Variants in IL1RAP observed in about 807,000 individuals in gnomAD.
IL1RAP encodes the protein interleukin-1 receptor accessory protein.
Under a neutral mutation model 60.7 loss-of-function variants are expected in IL1RAP, and 35 were observed. The ratio of observed to expected loss-of-function variants is 0.58; its 90% CI spans 0.44 to 0.76. IL1RAP has a LOEUF of 0.76. IL1RAP is among the 30% of genes least tolerant of loss of function. The pLI, the probability that IL1RAP is intolerant of heterozygous loss-of-function variation, is 0.00. For synonymous variants in IL1RAP, 268 were observed against 250.9 expected (o/e 1.07, Z -0.64); for missense variants, 572 against 693.9 (o/e 0.82, Z 1.97).
intron 1 of IL1RAP, among the ~76,000 whole-genome samples, chr3:190,516,598 A>G (rs1337910589): frequency 6.6e-6 from 1 of 152,208 alleles, no homozygotes; most frequent in Non-Finnish European, 1.5e-5. Flanking sequence ...GAATATTAAT[A>G]GAGGAAGGAG....
chr3:190,627,377 G>A lies in IL1RAP; in HGVS notation c.830G>A (p.Arg277His), dbSNP rs756041268. Reference protein sequence around the residue: ...TVYFSFLMDSRNEVWWTIDGK... With the variant: ...TVYFSFLMDSHNEVWWTIDGK... ...TATTTTAGTTTTCTGATGGATTCTC[G>A]CAATGAGGTTTGGTGGACCATTGAT... Residue 277 changes from arginine to histidine, a missense_variant, in exon 8 of 12, where the codon CGC becomes CAC. Coordinates refer to ENST00000447382, the MANE Select transcript of IL1RAP (RefSeq NM_002182.4). 19 of 1,611,908 alleles carry A rather than the reference G, an allele frequency of 1.2e-5. No individual in the cohort carries two copies. The highest frequency in any genetic ancestry group is 1.1e-4 in the African/African-American group (8 of 74,258).
At chr3:190,658,282 A>G (rs888392037) in exon 12 of IL1RAP, 8 of 152,208 alleles carry the variant, frequency 5.3e-5, no homozygotes, top group Admixed American at 6.5e-5. Flanking sequence ...ACTAGTTTGT[A>G]ATTTCATAAC....
At chr3:190,598,141 T>A (rs1160185087) in intron 3 of IL1RAP, among the ~76,000 whole-genome samples, 1 of 152,210 alleles carries the variant, frequency 6.6e-6, no homozygotes, top group Admixed American at 6.5e-5. Context: ...CATTTAATAG[T>A]CTTTCGTCTA....
At position 190,608,998 on chromosome 3, in the gene IL1RAP, C is replaced by A; in HGVS notation, c.354C>A (p.Asn118Lys). 6.2e-7 allele frequency: 1 copy of A among 1,610,202 alleles called. No homozygotes were observed. Among genetic ancestry groups the A allele is most frequent in the Non-Finnish European group, 8.5e-7 (1 of 1,178,196 alleles). Residue 118 changes from asparagine (N) to lysine (K), a missense_variant, in exon 5 of 12, where the codon AAC (asparagine) becomes AAA (lysine). Asn to Lys is a moderately conservative substitution (Grantham distance 94, BLOSUM62 0). Transcript: ENST00000447382. ...CATTGTATATTTCTTTTTTCAGGAACACTACATATTGCAGCAAAGTTGCAT... is the reference window on the plus strand; with the variant it reads ...CATTGTATATTTCTTTTTTCAGGAAAACTACATATTGCAGCAAAGTTGCAT... ...DTGNYTCMLR[N>K]TTYCSKVAFP... is the part of the protein sequence containing the mutation.
chr3:190,587,530 T>C (rs1292137969), intron 3 of IL1RAP, among the ~76,000 whole-genome samples: 1 of 152,232 alleles, frequency 6.6e-6, no homozygotes, highest in African/African-American at 2.4e-5. Flanking sequence ...CCTATGTCTT[T>C]GTTCTCCATA....
intron 3 of IL1RAP, among the ~76,000 whole-genome samples, chr3:190,565,140 C>T (rs1472484978): frequency 1.3e-5 from 2 of 150,984 alleles, no homozygotes; most frequent in East Asian, 3.9e-4. Context: ...TCTTTCCAAA[C>T]ATTTACTTGG....
intron 6 of IL1RAP, 46 bp from the exon 7 acceptor site, chr3:190,623,298 C>T (rs776476642): frequency 7.1e-7 from 1 of 1,417,790 alleles, no homozygotes; most frequent in Admixed American, 1.7e-5. Flanking sequence ...TTTAATAAGG[C>T]TGCCTGATTT....
At chr3:190,554,060 C>CAA (rs1166716731) in intron 1 of IL1RAP, among the ~76,000 whole-genome samples, 35 of 87,898 alleles carry the variant, frequency 4.0e-4, no homozygotes, top group East Asian at 1.4e-3. Context: ...GACTCCGTCT[C>CAA]AAAAAAAAAA....
At chr3:190,608,908 C>T in intron 4 of IL1RAP, 87 bp from the exon 5 acceptor site, 3 of 989,868 alleles carry the variant, frequency 3.0e-6, no homozygotes, top group Non-Finnish European at 4.6e-6. Context: ...CCGTATGTAG[C>T]CTGGCTTCAC....
intron 1 of IL1RAP, chr3:190,517,964 G>T (rs1301684566): frequency 2.6e-5 from 4 of 151,718 alleles, no homozygotes; most frequent in Admixed American, 6.6e-5. Context: ...AAATTGTTCT[G>T]CATGGAAAAA....
At chr3:190,544,410 G>A (rs1724200137) in intron 1 of IL1RAP, among the ~76,000 whole-genome samples, 1 of 152,182 alleles carries the variant, frequency 6.6e-6, no homozygotes, top group Non-Finnish European at 1.5e-5. Context: ...ATTTTAGCTA[G>A]TCATTATGCC....
intron 1 of IL1RAP, among the ~76,000 whole-genome samples, chr3:190,526,863 T>G (rs1229310110): frequency 6.6e-6 from 1 of 152,248 alleles, no homozygotes; most frequent in Non-Finnish European, 1.5e-5. Flanking sequence ...TAATCAGTGA[T>G]GTTAATTTTG....
In IL1RAP at chr3:190,650,615, C is replaced by A. The variant is rs763490985; in HGVS notation, c.*1910C>A. 1.0e-5 allele frequency: 9 copies of A among 866,414 alleles called. No individual in the cohort carries two copies. Among genetic ancestry groups the A allele is most frequent in the Admixed American group, 6.2e-5 (1 of 16,104 alleles). 53.7% of individuals were successfully genotyped at this position (866,414 alleles called of 1,614,324 possible). On this transcript the variant is annotated 3_prime_UTR_variant, in exon 12 of 12. Coordinates refer to ENST00000447382, the MANE Select transcript of IL1RAP (RefSeq NM_002182.4). ...CTATATTTAAGTACCCATAATAAAT[C>A]ATTTCCCTCTATAAGTGTTATTGAT...
intron 9 of IL1RAP, among the ~76,000 whole-genome samples, chr3:190,634,724 TG>T (rs59841680): frequency 0.021 from 3,013 of 144,588 alleles, 133 homozygotes; most frequent in African/African-American, 0.057. Context: ...TTTTTGTTGT[TG>T]TTTTTTTTGA....
intron 5 of IL1RAP, among the ~76,000 whole-genome samples, chr3:190,615,097 A>G (rs1435749747): frequency 6.6e-6 from 1 of 151,628 alleles, no homozygotes; most frequent in Non-Finnish European, 1.5e-5. Flanking sequence ...AAATTCTGCC[A>G]TGAATTCACA....
intron 3 of IL1RAP, among the ~76,000 whole-genome samples, chr3:190,570,777 G>A (rs1726850709): frequency 6.6e-6 from 1 of 152,058 alleles, no homozygotes; most frequent in South Asian, 2.1e-4. Flanking sequence ...TGTTGGTCGG[G>A]TTGGTCTGGA....
At chr3:190,638,246 A>G (rs1377774474) in intron 9 of IL1RAP, among the ~76,000 whole-genome samples, 1 of 152,002 alleles carries the variant, frequency 6.6e-6, no homozygotes, top group Non-Finnish European at 1.5e-5. Flanking sequence ...ATATTCCACC[A>G]TCAACATATT....
At chr3:190,569,589 T>A (rs554326507) in intron 3 of IL1RAP, among the ~76,000 whole-genome samples, 1 of 152,290 alleles carries the variant, frequency 6.6e-6, no homozygotes, top group Admixed American at 6.5e-5. Context: ...CTTCACTTTT[T>A]TTTTTTTCTT....
At chr3:190,642,801 T>TC (rs1386930653) in intron 9 of IL1RAP, among the ~76,000 whole-genome samples, 1 of 152,192 alleles carries the variant, frequency 6.6e-6, no homozygotes, top group Non-Finnish European at 1.5e-5. Flanking sequence ...CACCATTGTA[T>TC]CCCCAGAAGC....
Sources: gnomAD v4.1 joint callset for allele counts (sites outside exome capture counted in the v4.1 genomes callset) on GRCh38, gnomAD v4.1.1 for gene constraint, MANE v1.5 for transcripts, NCBI Gene and HGNC (gene_info 2026-07-23, HGNC 2026-07-21) for gene names.